The following KCNU1 variants were observed in gnomAD, a reference collection of about 807,000 sequenced individuals.
KCNU1 encodes potassium channel subfamily U member 1.
Under a neutral mutation model 126.8 loss-of-function variants are expected in KCNU1, and 93 were observed. The observed-to-expected ratio is 0.73, with a 90% confidence interval of 0.62 to 0.87. The LOEUF (loss-of-function observed/expected upper bound fraction) is 0.87. KCNU1 is among the 40% of genes least tolerant of loss of function. The pLI is 0.00. For missense variants in KCNU1, 1,330 were observed against 1,367.1 expected (o/e 0.97, Z 0.43); for synonymous variants, 523 against 494.2 (o/e 1.06, Z -0.77).
chr8:36,901,346 T>C (rs1422435788), intron 19 of KCNU1, among the ~76,000 whole-genome samples: 1 of 152,136 alleles, frequency 6.6e-6, no homozygotes, highest in Non-Finnish European at 1.5e-5. Context: ...CAGGGTTTAT[T>C]TATTTTTTCC....
chr8:36,884,538 C>G (rs1806617519), intron 19 of KCNU1, among the ~76,000 whole-genome samples: 1 of 152,054 alleles, frequency 6.6e-6, no homozygotes, highest in Non-Finnish European at 1.5e-5. Flanking sequence ...GAGTTCCAGA[C>G]CAGTCTGGCC....
At chr8:36,887,531 G>A (rs530060760) in intron 19 of KCNU1, among the ~76,000 whole-genome samples, 1 of 150,704 alleles carries the variant, frequency 6.6e-6, no homozygotes, top group African/African-American at 2.4e-5. Flanking sequence ...GCCTTTTCAG[G>A]GCATGAAGGC....
chr8:36,841,028 T>A, intron 16 of KCNU1, 25 bp downstream of exon 16: 1 of 1,141,626 alleles, frequency 8.8e-7, no homozygotes, highest in Non-Finnish European at 1.3e-6. Context: ...GCTCATCTCT[T>A]CAGTTGTTTT....
chr8:36,915,596 AG>A (rs1189270148), intron 22 of KCNU1, among the ~76,000 whole-genome samples: 1 of 152,252 alleles, frequency 6.6e-6, no homozygotes, highest in Non-Finnish European at 1.5e-5. Context: ...AGGAAAATCT[AG>A]GATCTTGCAA....
At chr8:36,814,056 A>C in intron 7 of KCNU1, 151 bp from the exon 8 acceptor site, 1 of 622,920 alleles carries the variant, frequency 1.6e-6, no homozygotes, top group Non-Finnish European at 2.8e-6. Context: ...AAACTCTTCC[A>C]TTTATGTAAA....
rs768832342 is a variant in KCNU1, at chr8:36,893,327, C to CTT, written c.2010-12370_2010-12369dup. Among the ~76,000 whole-genome samples, 694 of 138,314 alleles carry CTT rather than the reference C, an allele frequency of 5.0e-3. 11 individuals are homozygous for CTT. The highest frequency in any genetic ancestry group is 0.017 in the African/African-American group (657 of 37,812). The allele number at this position is 138,314 out of a possible 152,430, so 90.7% of individuals were successfully genotyped here. On this transcript the variant is annotated intron_variant, in intron 19 of 26. Coordinates refer to ENST00000399881, the MANE Select transcript of KCNU1 (RefSeq NM_001031836.3). ...TTTTCTTTTGAAGATTTTTATGGGT[C>CTT]TTTTTTTTTTTTGCGACATTGTTAA...
intron 24 of KCNU1, among the ~76,000 whole-genome samples, chr8:36,926,361 G>A (rs948302928): frequency 6.6e-6 from 1 of 152,058 alleles, no homozygotes; most frequent in African/African-American, 2.4e-5. Flanking sequence ...ATTTTAGAGG[G>A]CTCCTTCCCT....
At chr8:36,899,501 A>G (rs2117481069) in intron 19 of KCNU1, among the ~76,000 whole-genome samples, 1 of 152,194 alleles carries the variant, frequency 6.6e-6, no homozygotes, top group South Asian at 2.1e-4. Flanking sequence ...ATTTTCATAT[A>G]CCTCCTTTTA....
intron 21 of KCNU1, among the ~76,000 whole-genome samples, 157 bp from the exon 22 acceptor site, chr8:36,910,773 G>A (rs561604570): frequency 1.3e-5 from 2 of 152,246 alleles, no homozygotes; most frequent in Admixed American, 6.5e-5. Context: ...AAGGTTAAAT[G>A]TGTCAGATAT....
At chr8:36,830,150 ATATT>A (rs1804478839) in intron 10 of KCNU1, among the ~76,000 whole-genome samples, 1 of 150,518 alleles carries the variant, frequency 6.6e-6, no homozygotes, top group African/African-American at 2.4e-5. Context: ...AATAAAATAA[ATATT>A]TATAATAAAA....
intron 20 of KCNU1, among the ~76,000 whole-genome samples, chr8:36,908,980 T>C (rs376031513): frequency 6.6e-6 from 1 of 152,100 alleles, no homozygotes; most frequent in Non-Finnish European, 1.5e-5. Context: ...AAATGTGAAA[T>C]AAAAATCAAG....
At chr8:36,905,851 G>C (rs373925785) in intron 20 of KCNU1, 47 bp downstream of exon 20, 1 of 882,920 alleles carries the variant, frequency 1.1e-6, no homozygotes, top group South Asian at 1.6e-5. Context: ...AAAGCATTTC[G>C]TAGGGTAAGT....
chr8:36,841,559 G>A (rs1054218311), intron 16 of KCNU1, among the ~76,000 whole-genome samples: 15 of 152,054 alleles, frequency 9.9e-5, no homozygotes, highest in South Asian at 2.1e-4. Context: ...GGACATTGTC[G>A]TGCACCTGGG....
In KCNU1 at chr8:36,822,054, GT is replaced by G. The variant is rs1804148770; in HGVS notation, c.1106+4295del. Among the ~76,000 whole-genome samples, 4 of 152,064 alleles carry G rather than the reference GT, an allele frequency of 2.6e-5. No individual in the cohort carries two copies. The South Asian group carries it at 8.3e-4, about 32-fold the overall frequency. On this transcript the variant is annotated intron_variant, in intron 10 of 26. Transcript: ENST00000399881. ...CTGTATTCTGCTCCTCCTACCAAAA[GT>G]GGAGTCCATTTTCCCTTCTATTGAA...
chr8:36,856,412 T>C (rs1805530122), intron 18 of KCNU1, among the ~76,000 whole-genome samples: 1 of 152,208 alleles, frequency 6.6e-6, no homozygotes, highest in East Asian at 1.9e-4. Context: ...TTATAGCAGC[T>C]CTGAAAACCA....
chr8:36,888,364 GA>G, intron 19 of KCNU1: 2 of 354,698 alleles, frequency 5.6e-6, no homozygotes, highest in South Asian at 4.3e-5. Context: ...GTGAAAAGGA[GA>G]GTAGCTTTTC....
intron 26 of KCNU1, among the ~76,000 whole-genome samples, chr8:36,934,666 G>C (rs1394763308): frequency 1.3e-5 from 2 of 152,146 alleles, no homozygotes; most frequent in East Asian, 1.9e-4. Context: ...AAAAATACAA[G>C]TGGGTAGGTT....
At chr8:36,888,121 T>C (rs1251611532) in intron 19 of KCNU1, among the ~76,000 whole-genome samples, 1 of 151,986 alleles carries the variant, frequency 6.6e-6, no homozygotes, top group Non-Finnish European at 1.5e-5. Context: ...AAAAACCAAG[T>C]AACAGAAACA....
At position 36,918,851 on chromosome 8, in the gene KCNU1, T is replaced by C. The variant is rs777064936; in HGVS notation, c.2550T>C (p.His850=). ...AGACTCCAGGTTACACAAATGGACA[T>C]AATGAGAAATCAAACTGCCGAAAAG... ...SEETPGYTNG[H]NEKSNCRKVP... Residue 850 remains histidine (H), a synonymous_variant, in exon 23 of 27, where the codon CAT becomes CAC. Transcript: ENST00000399881. 16 of 1,609,602 alleles carry C rather than the reference T, an allele frequency of 9.9e-6. No homozygotes were observed. Among genetic ancestry groups the C allele is most frequent in the African/African-American group, 1.3e-5 (1 of 74,808 alleles).
Sources: allele counts gnomAD v4.1 joint callset (sites outside exome capture counted in the v4.1 genomes callset), GRCh38; gene constraint gnomAD v4.1.1; transcripts MANE v1.5; gene names NCBI Gene and HGNC (gene_info 2026-07-23, HGNC 2026-07-21).